SNX29: variants seen among roughly 807,000 people sequenced by gnomAD.
SNX29 encodes the protein sorting nexin-29.
A neutral mutation model predicts 102.1 loss-of-function variants in SNX29; 78 were observed. That is an observed-to-expected ratio of 0.76 (90% CI 0.64 to 0.92). The LOEUF is 0.92. Among genes scored for constraint, SNX29 ranks in the 40% least tolerant of loss-of-function variants. The pLI, the probability that SNX29 is intolerant of heterozygous loss-of-function variation, is 0.00. For synonymous variants in SNX29, 580 were observed against 414.5 expected (o/e 1.40, Z -4.85); for missense variants, 1,280 against 1,061.7 (o/e 1.21, Z -2.86).
In SNX29 at chr16:12,563,144, C is replaced by G. The variant is rs1030593029; in HGVS notation, c.2319-5362C>G. Among the ~76,000 whole-genome samples, 3 of 152,022 alleles carry G rather than the reference C, an allele frequency of 2.0e-5. No homozygotes were observed. The Admixed American group carries it at 2.0e-4, about 10-fold the overall frequency. ...GGAAAGGTCGCCACACGTCCTCATC[C>G]CAGCTCCAGGGGGGGCAACTCTGGG... is the stretch of plus-strand genomic sequence containing the variant. On this transcript the variant is annotated intron_variant, in intron 20 of 20. Coordinates refer to ENST00000566228, the MANE Select transcript of SNX29 (RefSeq NM_032167.5).
At chr16:12,564,301 G>A (rs1267532823) in intron 20 of SNX29, among the ~76,000 whole-genome samples, 3 of 152,172 alleles carry the variant, frequency 2.0e-5, no homozygotes, top group Non-Finnish European at 2.9e-5. Context: ...TGAAGTTGCT[G>A]GCTAGACTTC....
At chr16:12,446,125 G>A (rs111622149) in intron 18 of SNX29, among the ~76,000 whole-genome samples, 2,899 of 142,596 alleles carry the variant, frequency 0.02, 100 homozygotes, top group African/African-American at 0.072. Context: ...GTGCAATCTC[G>A]GCTCACTGCA....
chr16:12,562,056 T>C (rs1329887894), intron 20 of SNX29, among the ~76,000 whole-genome samples: 1 of 149,864 alleles, frequency 6.7e-6, no homozygotes, highest in African/African-American at 2.4e-5. Flanking sequence ...ATCTGTGCCG[T>C]TTTCCTTCCC....
chr16:12,071,439 A>G (rs985118916), intron 10 of SNX29, among the ~76,000 whole-genome samples: 5 of 151,920 alleles, frequency 3.3e-5, no homozygotes, highest in Non-Finnish European at 5.9e-5. Context: ...CCTTTCCCCA[A>G]TGCTTGTTTT....
intron 13 of SNX29, among the ~76,000 whole-genome samples, chr16:12,130,102 TCAAAAA>T (rs1372610540): frequency 4.1e-5 from 6 of 146,364 alleles, no homozygotes; most frequent in African/African-American, 1.5e-4. Flanking sequence ...AGACTCTGTC[TCAAAAA>T]CAAAAACAAA....
chr16:12,170,275 G>T (rs2076115906), intron 13 of SNX29, among the ~76,000 whole-genome samples: 1 of 152,050 alleles, frequency 6.6e-6, no homozygotes. Context: ...GCATGTGATG[G>T]TGTGTGGGTG....
At chr16:12,553,673 C>G (rs377758849) in intron 20 of SNX29, among the ~76,000 whole-genome samples, 234 of 149,508 alleles carry the variant, frequency 1.6e-3, no homozygotes, top group South Asian at 0.012. Flanking sequence ...TCACTGCAAC[C>G]TCCGCCTCCT....
intron 16 of SNX29, chr16:12,374,336 C>T (rs927463560): frequency 6.6e-6 from 1 of 152,246 alleles, no homozygotes; most frequent in South Asian, 2.1e-4. Context: ...ATGACTGAAT[C>T]CAGTCCCTCA....
intron 8 of SNX29, 25 bp from the exon 9 acceptor site, chr16:12,061,503 C>T: frequency 6.4e-7 from 1 of 1,560,264 alleles, no homozygotes; most frequent in Non-Finnish European, 8.7e-7. Context: ...TTGGCCTGTC[C>T]TGCAGCTGTA....
intron 13 of SNX29, among the ~76,000 whole-genome samples, chr16:12,161,222 A>T (rs747422572): frequency 2.6e-5 from 4 of 152,220 alleles, no homozygotes; most frequent in Non-Finnish European, 4.4e-5. Flanking sequence ...TTGGATAGAC[A>T]GGGAATACCA....
chr16:12,232,333 C>T (rs1375210199), intron 14 of SNX29, among the ~76,000 whole-genome samples: 1 of 152,154 alleles, frequency 6.6e-6, no homozygotes, highest in Non-Finnish European at 1.5e-5. Context: ...TCATGACCAG[C>T]CTGACCAACG....
At chr16:12,553,684 G>A (rs1160586117) in intron 20 of SNX29, among the ~76,000 whole-genome samples, 3 of 149,724 alleles carry the variant, frequency 2.0e-5, no homozygotes, top group African/African-American at 7.4e-5. Context: ...TCCGCCTCCT[G>A]GGTTCAAACA....
intron 14 of SNX29, among the ~76,000 whole-genome samples, chr16:12,202,951 G>GT (rs2076949206): frequency 6.6e-6 from 1 of 152,220 alleles, no homozygotes. Context: ...GGCGTGGGAG[G>GT]TGACATTTCT....
rs770659909 is a variant in SNX29, at chr16:12,524,688, TTG to T, written c.2179-10_2179-9del. On this transcript the variant is annotated splice_polypyrimidine_tract_variant and intron_variant, in intron 19 of 20. Coordinates refer to ENST00000566228, the MANE Select transcript of SNX29 (RefSeq NM_032167.5). ...GAAGACGTACCAAAGCGAAGATGTTTTGTGTTTCCTCAGGATGCCAAGTTTGT... is the reference window on the plus strand; with the variant it reads ...GAAGACGTACCAAAGCGAAGATGTTTTGTTTCCTCAGGATGCCAAGTTTGT... 8.1e-6 allele frequency: 13 copies of T among 1,612,120 alleles called. No homozygotes were observed. In the African/African-American group the frequency reaches 1.3e-4, roughly 17 times the overall value.
intron 18 of SNX29, among the ~76,000 whole-genome samples, chr16:12,448,471 CTTT>C (rs5815689): frequency 4.1e-5 from 6 of 147,782 alleles, no homozygotes; most frequent in African/African-American, 1.5e-4. Flanking sequence ...ATTGGGAACT[CTTT>C]TTTTTTTTTT....
At chr16:12,565,300 C>G (rs1394570204) in intron 20 of SNX29, among the ~76,000 whole-genome samples, 2 of 152,222 alleles carry the variant, frequency 1.3e-5, no homozygotes, top group Admixed American at 1.3e-4. Flanking sequence ...CACCAGCACT[C>G]TCCATTCAAG....
At chr16:12,448,034 G>T (rs1008033283) in intron 18 of SNX29, among the ~76,000 whole-genome samples, 1 of 152,134 alleles carries the variant, frequency 6.6e-6, no homozygotes, top group East Asian at 1.9e-4. Flanking sequence ...GGCGTTCCCG[G>T]GATTGTGCTG....
chr16:12,403,202 ATGTGTGTGTG>A (rs67193889), intron 17 of SNX29, among the ~76,000 whole-genome samples: 1,301 of 70,898 alleles, frequency 0.018, 21 homozygotes, highest in African/African-American at 0.053. Context: ...TTGTGTGTGT[ATGTGTGTGTG>A]TGTGTGTGTG....
At chr16:12,448,036 A>G (rs1260710456) in intron 18 of SNX29, among the ~76,000 whole-genome samples, 1 of 152,132 alleles carries the variant, frequency 6.6e-6, no homozygotes, top group Non-Finnish European at 1.5e-5. Flanking sequence ...CGTTCCCGGG[A>G]TTGTGCTGAT....
Sources: allele counts gnomAD v4.1 joint callset (sites outside exome capture counted in the v4.1 genomes callset), GRCh38; gene constraint gnomAD v4.1.1; transcripts MANE v1.5; gene names NCBI Gene and HGNC (gene_info 2026-07-23, HGNC 2026-07-21).